ABI3BP: variants seen among roughly 807,000 people sequenced by gnomAD.
The protein encoded by ABI3BP is ABI family member 3 binding protein, also known as target of Nesh-SH3.
In ABI3BP, 216 loss-of-function variants were observed where a neutral mutation model predicts 268.6. That is an observed-to-expected ratio of 0.80 (90% CI 0.72 to 0.90). The LOEUF (loss-of-function observed/expected upper bound fraction) is 0.90, where lower values mean the gene tolerates loss of function less well. ABI3BP is among the 40% of genes least tolerant of loss of function. The pLI is 0.00. For missense variants in ABI3BP, 2,090 were observed against 2,182.4 expected (o/e 0.96, Z 0.84); for synonymous variants, 730 against 730.0 (o/e 1.00, Z 0.00).
At chr3:100,942,658 A>G (rs2069977990) in intron 1 of ABI3BP, among the ~76,000 whole-genome samples, 1 of 152,064 alleles carries the variant, frequency 6.6e-6, no homozygotes, top group Non-Finnish European at 1.5e-5. Context: ...TTGATGGAAG[A>G]TGGGCTAGGC....
rs1338632323 is a variant in ABI3BP at position 100,815,910 on chromosome 3, AC to A, written c.3289+1del. 3.3e-6 allele frequency: 5 copies of A among 1,521,474 alleles called. No individual in the cohort carries two copies. Among genetic ancestry groups the A allele is most frequent in the Admixed American group, 4.3e-5 (2 of 46,680 alleles). 94.2% of individuals were successfully genotyped at this position (1,521,474 alleles called of 1,614,324 possible). ...TTTAATGCAAGTCACAAAAATCATT[AC>A]CAAATGTTGTTCCTGGAGCATCAGT... is the stretch of plus-strand genomic sequence containing the variant. On this transcript the variant is annotated splice_donor_variant, in intron 44 of 67. Coordinates refer to ENST00000471714, the MANE Select transcript of ABI3BP (RefSeq NM_001375547.2). LOFTEE classifies it high-confidence loss of function.
chr3:100,957,739 A>G (rs1317156703), intron 1 of ABI3BP, among the ~76,000 whole-genome samples: 1 of 152,220 alleles, frequency 6.6e-6, no homozygotes, highest in Admixed American at 6.5e-5. Context: ...GCTACTTGCT[A>G]AGGGAGAATC....
chr3:100,976,070 T>A (rs1216785927), intron 1 of ABI3BP, among the ~76,000 whole-genome samples: 1 of 152,198 alleles, frequency 6.6e-6, no homozygotes, highest in Admixed American at 6.5e-5. Context: ...TAAACAATAG[T>A]ATTTTTGAAG....
intron 49 of ABI3BP, 66 bp downstream of exon 49, chr3:100,810,346 G>A (rs1211468956): frequency 7.3e-7 from 1 of 1,361,538 alleles, no homozygotes; most frequent in Non-Finnish European, 1.0e-6. Flanking sequence ...CTGATATCTT[G>A]AGGTGACCAT....
intron 63 of ABI3BP, among the ~76,000 whole-genome samples, chr3:100,756,763 A>G (rs896122384): frequency 2.9e-5 from 4 of 136,386 alleles, no homozygotes; most frequent in Non-Finnish European, 6.1e-5. Context: ...CACATATACA[A>G]GCTACTTTTT....
At chr3:100,915,036 A>G (rs1196207252) in intron 2 of ABI3BP, among the ~76,000 whole-genome samples, 1 of 152,164 alleles carries the variant, frequency 6.6e-6, no homozygotes, top group Non-Finnish European at 1.5e-5. Context: ...CATTGAAGGC[A>G]CAAAATTCAA....
intron 2 of ABI3BP, among the ~76,000 whole-genome samples, chr3:100,907,683 A>G (rs1432052549): frequency 1.3e-5 from 2 of 152,226 alleles, no homozygotes; most frequent in Non-Finnish European, 2.9e-5. Context: ...CACAATAAAC[A>G]TTACAAACCA....
chr3:100,753,695 T>C (rs898233245), intron 65 of ABI3BP, 124 bp downstream of exon 65: 56 of 1,011,006 alleles, frequency 5.5e-5, no homozygotes, highest in Non-Finnish European at 8.0e-5. Flanking sequence ...CATTCACAAC[T>C]GTTTGGTGTT....
Position 100,832,316 on chromosome 3 carries a change from T to C in ABI3BP, c.2349A>G (p.Pro783=). The C allele has an allele frequency of 6.5e-7, 1 of 1,535,458 alleles. No homozygotes were observed. The highest frequency in any genetic ancestry group is 2.4e-5 in the East Asian group (1 of 40,898). The change falls in exon 31 of 68, where the codon CCA becomes CCG. Residue 783 remains proline (P), a synonymous_variant. Transcript: ENST00000471714. The part of the protein sequence containing the change: ...PTTTTKRTRR[P]HPKPKTTPHP... The stretch of plus-strand genomic sequence containing the variant: ...GGGGCGTGGTTTTAGGTTTGGGATG[T>C]GGACGACGGGTTCTTTTTGTTGTTG...
chr3:100,830,126 T>C (rs1297309427), intron 32 of ABI3BP, among the ~76,000 whole-genome samples: 24 of 39,748 alleles, frequency 6.0e-4, no homozygotes, highest in East Asian at 9.9e-4. Flanking sequence ...TATATATATA[T>C]ATATATATAT....
chr3:100,873,314 A>G (rs748146247), intron 9 of ABI3BP, among the ~76,000 whole-genome samples: 14 of 152,200 alleles, frequency 9.2e-5, no homozygotes, highest in Non-Finnish European at 1.9e-4. Context: ...ACTTCTAAAC[A>G]TCTCTACATG....
chr3:100,915,232 C>G (rs921073767), intron 2 of ABI3BP, among the ~76,000 whole-genome samples: 6 of 152,154 alleles, frequency 3.9e-5, no homozygotes, highest in Admixed American at 1.3e-4. Flanking sequence ...AACCCACCCC[C>G]CAGGGTAGAA....
At chr3:100,956,416 A>T (rs2076876423) in intron 1 of ABI3BP, among the ~76,000 whole-genome samples, 1 of 152,122 alleles carries the variant, frequency 6.6e-6, no homozygotes, top group Admixed American at 6.5e-5. Context: ...CACAAAAGGG[A>T]CATAAGCCAC....
intron 7 of ABI3BP, 138 bp downstream of exon 7, chr3:100,876,374 A>G (rs975848183): frequency 1.5e-5 from 11 of 757,342 alleles, no homozygotes; most frequent in Non-Finnish European, 2.3e-5. Flanking sequence ...AGTTTACTAG[A>G]CCATTATATT....
In ABI3BP at chr3:100,882,342, A is replaced by C. The variant is rs375990563; in HGVS notation, c.696+3194T>G. On this transcript the variant is annotated intron_variant, in intron 6 of 67. Coordinates refer to ENST00000471714, the MANE Select transcript of ABI3BP (RefSeq NM_001375547.2). ...CAAACCACTTCTCAGAATCAATTGT[A>C]TGTGGTCACATAACATGGTCAAAGT... is the stretch of plus-strand genomic sequence containing the variant. Among the ~76,000 whole-genome samples the C allele has an allele frequency of 3.9e-5, 6 of 151,904 alleles. No individual in the cohort carries two copies. In the East Asian group the frequency reaches 7.7e-4, roughly 20 times the overall value.
At chr3:100,753,121 T>C (rs2095425045) in intron 65 of ABI3BP, among the ~76,000 whole-genome samples, 173 bp from the exon 66 acceptor site, 1 of 152,138 alleles carries the variant, frequency 6.6e-6, no homozygotes, top group East Asian at 1.9e-4. Flanking sequence ...TAAGTTTCTG[T>C]CAATAGATAA....
rs559617201 is a variant in ABI3BP at position 100,840,399 on chromosome 3, G to GA, written c.1805-236dup. ...CTGTCTGTTCTTCCATTTTGAGATG[G>GA]AAAATCTCAAAACTTTGTACAGCTT... On this transcript the variant is annotated intron_variant, in intron 22 of 67. Coordinates refer to ENST00000471714, the MANE Select transcript of ABI3BP (RefSeq NM_001375547.2). 4.7e-4 allele frequency among the ~76,000 whole-genome samples: 71 copies of GA among 152,168 alleles called. 1 individual carries two copies. The highest frequency in any genetic ancestry group is 2.7e-3 in the South Asian group (13 of 4,822).
rs1356726922 is a variant in ABI3BP, at chr3:100,874,783, A to C, written c.910+58T>G. On this transcript the variant is annotated intron_variant, in intron 9 of 67. Coordinates refer to ENST00000471714, the MANE Select transcript of ABI3BP (RefSeq NM_001375547.2). Reference sequence around the variant, plus strand: ...AGCAAGATTCTTTGGATTTCCTAAGAATATCAGTGCTAGTACTCAGTTACT... The same window carrying C: ...AGCAAGATTCTTTGGATTTCCTAAGCATATCAGTGCTAGTACTCAGTTACT... 3.0e-6 allele frequency: 3 copies of C among 1,014,952 alleles called. No homozygotes were observed. In the East Asian group the frequency reaches 8.0e-5, roughly 27 times the overall value. 62.9% of individuals were successfully genotyped at this position (1,014,952 alleles called of 1,614,324 possible). A position where few individuals can be genotyped will look rare whatever the true frequency, so the allele number is the denominator to read the frequency against.
chr3:100,849,555 C>G (rs2098815806), intron 17 of ABI3BP, among the ~76,000 whole-genome samples: 1 of 151,936 alleles, frequency 6.6e-6, no homozygotes, highest in Non-Finnish European at 1.5e-5. Context: ...CTTTATTATC[C>G]CCACCAAGAG....
Sources: allele counts gnomAD v4.1 joint callset (sites outside exome capture counted in the v4.1 genomes callset), GRCh38; gene constraint gnomAD v4.1.1; transcripts MANE v1.5; gene names NCBI Gene and HGNC (gene_info 2026-07-23, HGNC 2026-07-21).